The following UBXN11 variants were observed in gnomAD, a reference collection of about 807,000 sequenced individuals.
UBXN11 encodes the protein UBX domain protein 11.
In UBXN11, 47 loss-of-function variants were observed where a neutral mutation model predicts 62.8. That is an observed-to-expected ratio of 0.75 (90% CI 0.59 to 0.95). The LOEUF is 0.95. Among genes scored for constraint, UBXN11 ranks in the 40% least tolerant of loss-of-function variants. The pLI is 0.00. For missense variants in UBXN11, 638 were observed against 661.7 expected (o/e 0.96, Z 0.39); for synonymous variants, 294 against 267.0 (o/e 1.10, Z -0.99).
chr1:26,301,575 T>G, intron 3 of UBXN11, 119 bp downstream of exon 3: 1 of 1,414,942 alleles, frequency 7.1e-7, no homozygotes, highest in Non-Finnish European at 9.7e-7. Context: ...CAGAACACGG[T>G]GGAGGCCGCT....
intron 8 of UBXN11, among the ~76,000 whole-genome samples, chr1:26,287,842 G>A (rs4659420): frequency 0.53 from 80,599 of 151,394 alleles, 22,684 homozygotes; most frequent in Non-Finnish European, 0.65. Context: ...CTACCTTAAG[G>A]ACAAATAGGC....
intron 10 of UBXN11, chr1:26,284,683 C>T (rs1557679766): frequency 8.2e-6 from 11 of 1,346,236 alleles, no homozygotes; most frequent in Middle Eastern, 5.6e-4. Context: ...CTGTAAGCAC[C>T]CCATCCACGC....
rs775270312 is a variant in UBXN11 at position 26,282,481 on chromosome 1, G to GGCCTGCA, written c.1374_1380dup (p.Leu461CysfsTer?). On this transcript the variant is annotated frameshift_variant, in exon 15 of 15. Transcript: ENST00000374222. LOFTEE classifies it low-confidence loss of function (END_TRUNC). Reference sequence around the variant, plus strand: ...AGCAGCAGTGCTGCTTTGGGCACAAGGCCTGCAGCCTGCAGCGTGAGTGTA... The same window carrying GGCCTGCA: ...AGCAGCAGTGCTGCTTTGGGCACAAGGCCTGCAGCCTGCAGCCTGCAGCGTGAGTGTA... The GGCCTGCA allele has an allele frequency of 9.3e-6, 15 of 1,608,396 alleles. No homozygotes were observed. The highest frequency in any genetic ancestry group is 2.2e-5 in the East Asian group (1 of 44,646).
intron 8 of UBXN11, among the ~76,000 whole-genome samples, chr1:26,293,984 C>T (rs2073334890): frequency 6.6e-6 from 1 of 152,076 alleles, no homozygotes; most frequent in East Asian, 1.9e-4. Flanking sequence ...CAAGAGAGAG[C>T]AGAGGTAGGA....
rs1452825926 is a variant in UBXN11 at position 26,285,512 on chromosome 1, G to A, written c.804C>T (p.Phe268=). ...ACAGTCGCTGGAGCTCTGAGGGAAA[G>A]AAGCCATCCAATATGTCTCGGAGGC... ...QRCLRDILDG[F]FPSELQRLYP... is the part of the protein sequence containing the mutation. The change falls in exon 10 of 15, where the codon TTC becomes TTT. Residue 268 remains phenylalanine, a synonymous_variant. Transcript: ENST00000374222. 1.3e-6 allele frequency: 2 copies of A among 1,599,230 alleles called. No individual in the cohort carries two copies. The highest frequency in any genetic ancestry group is 1.3e-5 in the African/African-American group (1 of 74,574).
chr1:26,294,538 C>G (rs776935645), intron 7 of UBXN11, among the ~76,000 whole-genome samples: 5 of 152,230 alleles, frequency 3.3e-5, no homozygotes, highest in Non-Finnish European at 5.9e-5. Context: ...GACGACTCCT[C>G]TAATAAAATG....
chr1:26,303,379 A>C (rs1453867955), intron 1 of UBXN11, among the ~76,000 whole-genome samples: 1 of 152,032 alleles, frequency 6.6e-6, no homozygotes. Flanking sequence ...GGATTCAATC[A>C]AGACACAGGC....
chr1:26,316,699 CACCA>C (rs2073798730), intron 1 of UBXN11, among the ~76,000 whole-genome samples: 2 of 152,074 alleles, frequency 1.3e-5, no homozygotes, highest in African/African-American at 4.8e-5. Flanking sequence ...TGCTGCAGGG[CACCA>C]CAGAGGGTAT....
At chr1:26,313,782 CTTTTT>C (rs56037016) in intron 1 of UBXN11, among the ~76,000 whole-genome samples, 2 of 125,904 alleles carry the variant, frequency 1.6e-5, no homozygotes, top group South Asian at 2.4e-4. Flanking sequence ...AATTTTTTTT[CTTTTT>C]TTTTTTTTTT....
intron 1 of UBXN11, among the ~76,000 whole-genome samples, chr1:26,313,201 C>CCATTCTAT (rs1000672334): frequency 1.1e-4 from 16 of 152,158 alleles, no homozygotes; most frequent in African/African-American, 3.6e-4. Context: ...CTGCTGTATT[C>CCATTCTAT]CATTCTATCA....
chr1:26,282,616 CCCTCTGTGG>C, intron 14 of UBXN11, 24 bp downstream of exon 14: 1 of 1,613,112 alleles, frequency 6.2e-7, no homozygotes. Flanking sequence ...GGACCAGAGC[CCCTCTGTGG>C]CCCTGGCCCT....
chr1:26,300,882 C>T (rs1413230045), intron 4 of UBXN11, 44 bp downstream of exon 4: 2 of 1,613,794 alleles, frequency 1.2e-6, no homozygotes, highest in Non-Finnish European at 1.7e-6. Context: ...TCTGGGGCCC[C>T]CTCCTGCAGC....
chr1:26,308,073 C>G (rs2073700026), upstream of UBXN11, among the ~76,000 whole-genome samples: 1 of 151,966 alleles, frequency 6.6e-6, no homozygotes, highest in Non-Finnish European at 1.5e-5. Context: ...TCGAGACCAG[C>G]CTGACCAACA....
At position 26,294,205 on chromosome 1, in the gene UBXN11, C is replaced by G; in HGVS notation, c.559G>C (p.Gly187Arg). The G allele has an allele frequency of 6.2e-7, 1 of 1,613,970 alleles. No individual in the cohort carries two copies. The highest frequency in any genetic ancestry group is 8.5e-7 in the Non-Finnish European group (1 of 1,179,870). The change falls in exon 8 of 15, where the codon GGG becomes CGG. Residue 187 changes from glycine to arginine, a missense_variant and splice_region_variant. Physicochemically the swap from Gly to Arg is moderately radical, Grantham distance 125. Transcript: ENST00000374222. ...GCCTGGGGCAGACGCCCTGCTCTACCTGGCTTCCAGAACTTCTTGGCTGTC... is the reference window on the plus strand; with the variant it reads ...GCCTGGGGCAGACGCCCTGCTCTACGTGGCTTCCAGAACTTCTTGGCTGTC... Reference protein sequence around the residue: ...WMTAKKFWKPGDSLAPPEVDF... With the variant: ...WMTAKKFWKPRDSLAPPEVDF...
chr1:26,305,685 AAAAAC>A (rs1325157988), intron 1 of UBXN11, among the ~76,000 whole-genome samples: 3 of 152,188 alleles, frequency 2.0e-5, no homozygotes, highest in Non-Finnish European at 4.4e-5. Flanking sequence ...CATGGGAAAA[AAAAAC>A]AAAACTCCTA....
At chr1:26,284,766 GA>G in intron 10 of UBXN11, 1 of 1,222,512 alleles carries the variant, frequency 8.2e-7, no homozygotes, top group Non-Finnish European at 1.0e-6. Context: ...GGCAGAGTGT[GA>G]GGGGGTCAGG....
At chr1:26,297,379 G>A (rs1373869773) in intron 6 of UBXN11, 48 bp downstream of exon 6, 4 of 1,489,846 alleles carry the variant, frequency 2.7e-6, no homozygotes, top group Non-Finnish European at 3.6e-6. Flanking sequence ...TGGGCCCAGG[G>A]GAGGTGCCTG....
intron 7 of UBXN11, among the ~76,000 whole-genome samples, chr1:26,296,366 A>G (rs780530119): frequency 1.3e-5 from 2 of 152,226 alleles, no homozygotes; most frequent in Non-Finnish European, 2.9e-5. Context: ...AGAGTCCCAC[A>G]AGGGAAGAGA....
In UBXN11 at chr1:26,284,447, A is replaced by C. The variant is rs2073078039; in HGVS notation, c.888T>G (p.Asp296Glu). The change falls in exon 11 of 15, where the codon GAT (aspartate) becomes GAG (glutamate). Residue 296 changes from aspartate (D) to glutamate (E), a missense_variant. Asp to Glu is a conservative substitution (Grantham distance 45, BLOSUM62 2). Coordinates refer to ENST00000374222, the MANE Select transcript of UBXN11 (RefSeq NM_001389556.1). ...SDLRNQVYLE[D>E]GLDPFPGEGR... is the part of the protein sequence containing the mutation. Reference sequence around the variant, plus strand: ...CCTCGCCTGGGAAGGGGTCCAGTCCATCCTCCAGGTAGACCTGATTGCGCA... The same window carrying C: ...CCTCGCCTGGGAAGGGGTCCAGTCCCTCCTCCAGGTAGACCTGATTGCGCA... 1 of 1,613,464 alleles carries C rather than the reference A, an allele frequency of 6.2e-7. No individual in the cohort carries two copies. The highest frequency in any genetic ancestry group is 8.5e-7 in the Non-Finnish European group (1 of 1,179,638).
Sources: gnomAD v4.1 joint callset for allele counts (sites outside exome capture counted in the v4.1 genomes callset) on GRCh38, gnomAD v4.1.1 for gene constraint, MANE v1.5 for transcripts, NCBI Gene and HGNC (gene_info 2026-07-23, HGNC 2026-07-21) for gene names.